PSMA6: variants seen among roughly 807,000 people sequenced by gnomAD.
PSMA6 encodes the protein proteasome 20S subunit alpha 6.
For missense variants in PSMA6, 170 were observed against 294.8 expected, an observed-to-expected ratio of 0.58 and a Z score of 3.10; for synonymous variants, 88 against 97.7, an observed-to-expected ratio of 0.90 and a Z score of 0.59.
At chr14:35,312,738 T>C in intron 4 of PSMA6, 143 bp from the exon 5 acceptor site, 1 of 645,264 alleles carries the variant, frequency 1.5e-6, no homozygotes, top group Non-Finnish European at 2.5e-6. Flanking sequence ...ACCTGTATTT[T>C]ATCAGTTTTC....
chr14:35,310,816 T>G lies in PSMA6; in HGVS notation c.330T>G (p.Pro110=), dbSNP rs1478215467. Residue 110 remains proline, a synonymous_variant, in exon 4 of 7, where the codon CCT becomes CCG. Coordinates refer to ENST00000261479, the MANE Select transcript of PSMA6 (RefSeq NM_002791.3). ...AATACAAGTATGGCTATGAGATTCC[T>G]GTGGACATGCTGTGTAAAAGAATTG... ...NWKYKYGYEI[P]VDMLCKRIAD... The G allele has an allele frequency of 1.2e-6, 2 of 1,613,526 alleles. No individual in the cohort carries two copies. Among genetic ancestry groups the G allele is most frequent in the Non-Finnish European group, 1.7e-6 (2 of 1,179,822 alleles).
At chr14:35,297,287 C>T (rs1224833316) in intron 1 of PSMA6, among the ~76,000 whole-genome samples, 1 of 151,856 alleles carries the variant, frequency 6.6e-6, no homozygotes, top group Non-Finnish European at 1.5e-5. Flanking sequence ...GCAATCTCTG[C>T]TCACTGCAAA....
At position 35,300,347 on chromosome 14, in the gene PSMA6, C is replaced by T. The variant is rs184579651; in HGVS notation, c.77-7647C>T. Among the ~76,000 whole-genome samples, 448 of 152,210 alleles carry T rather than the reference C, an allele frequency of 2.9e-3. 1 individual carries two copies. The highest frequency in any genetic ancestry group is 6.8e-3 in the Middle Eastern group (2 of 294). ...AATTAGCCAGGTGTGGTAGTACACA[C>T]CTGTTGTCCCACATACTCTGGAGGC... On this transcript the variant is annotated intron_variant, in intron 1 of 6. Coordinates refer to ENST00000261479, the MANE Select transcript of PSMA6 (RefSeq NM_002791.3).
intron 1 of PSMA6, among the ~76,000 whole-genome samples, chr14:35,303,878 T>G (rs555698100): frequency 6.6e-6 from 1 of 152,290 alleles, no homozygotes; most frequent in African/African-American, 2.4e-5. Flanking sequence ...TTGTATTAGC[T>G]AGTGTAGTGT....
chr14:35,284,891 G>T (rs1384932795), intron 1 of PSMA6, among the ~76,000 whole-genome samples: 1 of 152,192 alleles, frequency 6.6e-6, no homozygotes, highest in Non-Finnish European at 1.5e-5. Flanking sequence ...GTACTTGTAA[G>T]ACATCATCCC....
At chr14:35,282,617 A>G (rs2051378202) in intron 1 of PSMA6, among the ~76,000 whole-genome samples, 1 of 152,076 alleles carries the variant, frequency 6.6e-6, no homozygotes, top group South Asian at 2.1e-4. Context: ...TTGGGAGGTC[A>G]AGGCAGGAGG....
At chr14:35,284,519 A>T (rs1221117480) in intron 1 of PSMA6, among the ~76,000 whole-genome samples, 1 of 152,100 alleles carries the variant, frequency 6.6e-6, no homozygotes, top group South Asian at 2.1e-4. Context: ...TCTGGTGGGG[A>T]CGCTGTCGGG....
chr14:35,305,429 C>T (rs1244701231), intron 1 of PSMA6, among the ~76,000 whole-genome samples: 2 of 152,352 alleles, frequency 1.3e-5, no homozygotes, highest in African/African-American at 2.4e-5. Flanking sequence ...AGCCACTGCA[C>T]CCAGCTGAGG....
At chr14:35,282,908 T>A (rs963113094) in intron 1 of PSMA6, among the ~76,000 whole-genome samples, 1 of 151,108 alleles carries the variant, frequency 6.6e-6, no homozygotes, top group African/African-American at 2.4e-5. Context: ...AAAGGAAAGA[T>A]CTCAGCTCAC....
At chr14:35,301,996 T>C (rs1215785444) in intron 1 of PSMA6, among the ~76,000 whole-genome samples, 1 of 152,082 alleles carries the variant, frequency 6.6e-6, no homozygotes, top group Admixed American at 6.6e-5. Context: ...TTTTTTTTCT[T>C]TGTGGCCAGT....
intron 1 of PSMA6, chr14:35,278,831 A>T: frequency 1.5e-6 from 2 of 1,305,472 alleles, no homozygotes; most frequent in Non-Finnish European, 2.1e-6. Flanking sequence ...CTAGAATCCC[A>T]AGTTGCTTTT....
At chr14:35,280,726 T>C (rs1441037965) in intron 1 of PSMA6, among the ~76,000 whole-genome samples, 2 of 152,008 alleles carry the variant, frequency 1.3e-5, no homozygotes, top group Non-Finnish European at 2.9e-5. Context: ...TTGTTGTTGT[T>C]GTTTGTTTTC....
At chr14:35,292,831 T>C (rs2051511904) in intron 1 of PSMA6, 2 of 551,244 alleles carry the variant, frequency 3.6e-6, no homozygotes, top group Non-Finnish European at 6.5e-6. Flanking sequence ...GACTCCGGCT[T>C]CGTGAGGCCC....
intron 1 of PSMA6, among the ~76,000 whole-genome samples, chr14:35,282,809 C>T (rs928885976): frequency 1.3e-5 from 2 of 151,724 alleles, no homozygotes; most frequent in African/African-American, 4.8e-5. Flanking sequence ...GAGCCAAGAT[C>T]GAGCCACTGC....
At chr14:35,282,349 C>T (rs957166824) in intron 1 of PSMA6, among the ~76,000 whole-genome samples, 2 of 152,148 alleles carry the variant, frequency 1.3e-5, no homozygotes, top group Non-Finnish European at 2.9e-5. Context: ...ATCCTCCTGC[C>T]TCAGCCTCCT....
intron 1 of PSMA6, among the ~76,000 whole-genome samples, chr14:35,283,796 G>A (rs1451758250): frequency 6.6e-6 from 1 of 151,992 alleles, no homozygotes; most frequent in African/African-American, 2.4e-5. Context: ...TCAAACTCCT[G>A]GGCTCAAGCA....
chr14:35,292,515 T>A lies in PSMA6; in HGVS notation c.39T>A (p.Ile13=). The A allele has an allele frequency of 6.2e-7, 1 of 1,613,758 alleles. No homozygotes were observed. Among genetic ancestry groups the A allele is most frequent in the Non-Finnish European group, 8.5e-7 (1 of 1,179,752 alleles). ...CCAGCGCCGGTTTTGACCGCCACATTACCATTTTTTCACCCGAGGGTCGGC... is the reference window on the plus strand; with the variant it reads ...CCAGCGCCGGTTTTGACCGCCACATAACCATTTTTTCACCCGAGGGTCGGC... ...RGSSAGFDRH[I]TIFSPEGRLY... is the part of the protein sequence containing the mutation. Residue 13 remains isoleucine, a synonymous_variant, in exon 1 of 7, where the codon ATT becomes ATA. Coordinates refer to ENST00000261479, the MANE Select transcript of PSMA6 (RefSeq NM_002791.3).
At chr14:35,303,740 C>T (rs746068116) in intron 1 of PSMA6, among the ~76,000 whole-genome samples, 2 of 152,122 alleles carry the variant, frequency 1.3e-5, no homozygotes, top group Non-Finnish European at 2.9e-5. Context: ...GTTCATCATC[C>T]ATGGATTCAA....
At chr14:35,280,140 A>AG (rs2051350612) in intron 1 of PSMA6, among the ~76,000 whole-genome samples, 1 of 150,180 alleles carries the variant, frequency 6.7e-6, no homozygotes, top group Non-Finnish European at 1.5e-5. Context: ...CAAAAAAAAA[A>AG]AAAAGAATGT....
Sources: allele counts gnomAD v4.1 joint callset (sites outside exome capture counted in the v4.1 genomes callset), GRCh38; gene constraint gnomAD v4.1.1; transcripts MANE v1.5; gene names NCBI Gene and HGNC (gene_info 2026-07-23, HGNC 2026-07-21).